The following SULF2 variants were observed in gnomAD, a reference collection of about 807,000 sequenced individuals.
SULF2 encodes extracellular sulfatase Sulf-2.
In SULF2, 52 loss-of-function variants were observed where a neutral mutation model predicts 107.7. The ratio of observed to expected loss-of-function variants is 0.48; its 90% CI spans 0.39 to 0.61. The LOEUF (loss-of-function observed/expected upper bound fraction) is 0.61, where lower values mean the gene tolerates loss of function less well. Among genes scored for constraint, SULF2 ranks in the 20% least tolerant of loss-of-function variants. The pLI is 0.00. For synonymous variants in SULF2, 460 were observed against 464.3 expected (o/e 0.99, Z 0.12); for missense variants, 993 against 1,177.3 (o/e 0.84, Z 2.29).
chr20:47,719,494 G>A (rs2089225230), intron 3 of SULF2, among the ~76,000 whole-genome samples: 1 of 152,168 alleles, frequency 6.6e-6, no homozygotes, highest in East Asian at 1.9e-4. Context: ...CACCCATCAG[G>A]AGCCTGGGAG....
intron 18 of SULF2, chr20:47,661,570 G>T: frequency 2.4e-6 from 1 of 418,376 alleles, no homozygotes; most frequent in Non-Finnish European, 4.3e-6. Flanking sequence ...GGCAGTTGGT[G>T]CAGGTGTTCC....
At chr20:47,690,417 C>T (rs1022578317) in intron 4 of SULF2, 122 bp from the exon 5 acceptor site, 4 of 670,010 alleles carry the variant, frequency 6.0e-6, no homozygotes, top group African/African-American at 1.9e-5. Flanking sequence ...AATTTCTGCC[C>T]TTCTGGAGCT....
At chr20:47,662,284 G>A (rs1038282435) in intron 17 of SULF2, among the ~76,000 whole-genome samples, 2 of 152,206 alleles carry the variant, frequency 1.3e-5, no homozygotes, top group African/African-American at 4.8e-5. Context: ...TTTGATGAAA[G>A]GACGGGTAAG....
At chr20:47,709,904 T>C (rs2088872724) in intron 3 of SULF2, among the ~76,000 whole-genome samples, 1 of 73,204 alleles carries the variant, frequency 1.4e-5, no homozygotes, top group African/African-American at 7.6e-5. Context: ...TGAAACCACT[T>C]TTTTTTTTTT....
In SULF2 at chr20:47,694,604, G is replaced by T. The variant is rs2088313449; in HGVS notation, c.568-4309C>A. Among the ~76,000 whole-genome samples, 1 of 151,764 alleles carries T rather than the reference G, an allele frequency of 6.6e-6. No homozygotes were observed. Among genetic ancestry groups the T allele is most frequent in the Non-Finnish European group, 1.5e-5 (1 of 68,028 alleles). ...GAAGCCACAGCTGGGACCCCGAGGT[G>T]CAACCGGCCCCCTCTGGCAAGCACC... On this transcript the variant is annotated intron_variant, in intron 4 of 20. Transcript: ENST00000688720. The surrounding 1 kb of genome is among the most constrained non-coding windows in gnomAD (Gnocchi z 4.4).
chr20:47,692,408 A>G (rs2088227712), intron 4 of SULF2, among the ~76,000 whole-genome samples: 1 of 152,170 alleles, frequency 6.6e-6, no homozygotes, highest in Non-Finnish European at 1.5e-5. Context: ...GCATGTATAT[A>G]TATTATACAC....
chr20:47,692,220 A>G (rs2088220319), intron 4 of SULF2, among the ~76,000 whole-genome samples: 1 of 152,246 alleles, frequency 6.6e-6, no homozygotes, highest in African/African-American at 2.4e-5. Flanking sequence ...AGGTGTCTAC[A>G]GCTTCCACCC....
At position 47,757,367 on chromosome 20, in the gene SULF2, C is replaced by CT; in HGVS notation, c.-5dup. On this transcript the variant is annotated 5_prime_UTR_variant, in exon 2 of 21. Coordinates refer to ENST00000688720, the MANE Select transcript of SULF2 (RefSeq NM_001387048.1). The stretch of plus-strand genomic sequence containing the variant: ...GCACGAGGCTCGGGGGGCCCATCTT[C>CT]TTTTTTTGCTGATCTGGTGCTTCTT... 2.5e-6 allele frequency: 4 copies of CT among 1,578,080 alleles called. No individual in the cohort carries two copies. Among genetic ancestry groups the CT allele is most frequent in the African/African-American group, 1.3e-5 (1 of 74,302 alleles).
At chr20:47,709,733 T>C (rs1024197312) in intron 3 of SULF2, among the ~76,000 whole-genome samples, 1 of 151,760 alleles carries the variant, frequency 6.6e-6, no homozygotes, top group Non-Finnish European at 1.5e-5. Flanking sequence ...GGCAGCCATC[T>C]TGCCACCAAG....
rs375668794 is a variant in SULF2 at position 47,683,791 on chromosome 20, G to A, written c.889-622C>T. On this transcript the variant is annotated intron_variant, in intron 6 of 20. Coordinates refer to ENST00000688720, the MANE Select transcript of SULF2 (RefSeq NM_001387048.1). ...AAATGTGACAATACCCATACAATGC[G>A]ATATTATTCAGCAATAACAGGGAAT... Among the ~76,000 whole-genome samples the A allele has an allele frequency of 2.0e-3, 310 of 152,338 alleles. 2 individuals carry two copies. The highest frequency in any genetic ancestry group is 6.8e-3 in the Middle Eastern group (2 of 294).
At chr20:47,702,228 T>C (rs2088594656) in intron 4 of SULF2, among the ~76,000 whole-genome samples, 1 of 152,148 alleles carries the variant, frequency 6.6e-6, no homozygotes, top group African/African-American at 2.4e-5. Flanking sequence ...CGGCTAAGTT[T>C]TGTATTTTTT....
upstream of SULF2, among the ~76,000 whole-genome samples, chr20:47,785,670 C>T (rs2122799359): frequency 6.8e-6 from 1 of 146,912 alleles, no homozygotes; most frequent in Admixed American, 6.7e-5. Flanking sequence ...CTTGGCACGG[C>T]GCTACCGCCC....
intron 1 of SULF2, among the ~76,000 whole-genome samples, chr20:47,777,973 C>CAAA (rs11322737): frequency 0.011 from 1,393 of 132,578 alleles, 34 homozygotes; most frequent in African/African-American, 0.037. Context: ...TCATCTCTAC[C>CAAA]AAAAAAAAAA....
chr20:47,683,688 T>C (rs961205268), intron 6 of SULF2, among the ~76,000 whole-genome samples: 1 of 152,250 alleles, frequency 6.6e-6, no homozygotes, highest in African/African-American at 2.4e-5. Flanking sequence ...CTACTGAGCA[T>C]GTGAAATGAG....
rs564586263 is a variant in SULF2, at chr20:47,757,608, C to T, written c.-100-145G>A. 289 of 459,704 alleles carry T rather than the reference C, an allele frequency of 6.3e-4. 6 individuals are homozygous for T. Among genetic ancestry groups the T allele is most frequent in the Middle Eastern group, 4.7e-3 (8 of 1,720 alleles). The allele number at this position is 459,704 out of a possible 1,614,324, so 28.5% of individuals were successfully genotyped here. A position where few individuals can be genotyped will look rare whatever the true frequency, so the allele number is the denominator to read the frequency against. ...CTATGGCAGAGTGAAAACCGAACTC[C>T]GCTGAAGTTAGCAAAGTCTTTACAG... On this transcript the variant is annotated intron_variant, in intron 1 of 20. Coordinates refer to ENST00000688720, the MANE Select transcript of SULF2 (RefSeq NM_001387048.1).
intron 1 of SULF2, among the ~76,000 whole-genome samples, chr20:47,774,145 C>T (rs990601058): frequency 1.3e-5 from 2 of 152,214 alleles, no homozygotes; most frequent in Admixed American, 6.5e-5. Flanking sequence ...TTTGGAGATG[C>T]GAGTGGAGTG....
intron 1 of SULF2, among the ~76,000 whole-genome samples, chr20:47,769,786 G>A (rs2090594440): frequency 6.6e-6 from 1 of 152,208 alleles, no homozygotes; most frequent in African/African-American, 2.4e-5. Context: ...AGGTTGGAGT[G>A]CTAGGGAGTG....
intron 2 of SULF2, 76 bp downstream of exon 2, chr20:47,757,113 G>A: frequency 7.5e-7 from 1 of 1,333,872 alleles, no homozygotes. Flanking sequence ...CCACCGCCTT[G>A]CCTCAGGAGC....
chr20:47,710,444 G>A (rs1459822770), intron 3 of SULF2, among the ~76,000 whole-genome samples: 1 of 151,832 alleles, frequency 6.6e-6, no homozygotes, highest in African/African-American at 2.4e-5. Context: ...ATGCTGTAGG[G>A]GGGTTTGTAG....
Sources: gnomAD v4.1 joint callset for allele counts (sites outside exome capture counted in the v4.1 genomes callset) on GRCh38, gnomAD v4.1.1 for gene constraint, Gnocchi (gnomAD v3.1) non-coding constraint, MANE v1.5 for transcripts, NCBI Gene and HGNC (gene_info 2026-07-23, HGNC 2026-07-21) for gene names.